Variants in TFE3 observed in about 807,000 individuals in gnomAD.
TFE3 encodes transcription factor binding to IGHM enhancer 3, also known as transcription factor E3.
TFE3 carries 5 observed loss-of-function variants against 35.0 expected under a neutral mutation model. That is an observed-to-expected ratio of 0.14 (90% CI 0.07 to 0.30). The LOEUF (loss-of-function observed/expected upper bound fraction) is 0.30. Ranked by LOEUF, TFE3 falls within the 10% of genes least tolerant of loss-of-function variation. TFE3 has a pLI of 1.00. For synonymous variants in TFE3, 211 were observed against 215.6 expected (o/e 0.98, Z 0.18); for missense variants, 374 against 496.6 (o/e 0.75, Z 2.35).
At chrX:49,030,628 G>C (rs1436667452) in intron 9 of TFE3, 27 bp from the exon 10 acceptor site, 1 of 1,148,706 alleles carries the variant, frequency 8.7e-7, no homozygotes, top group East Asian at 3.0e-5. Context: ...TTGGGTGCAG[G>C]ATAAGTAGGG....
chrX:49,039,134 A>G lies in TFE3; in HGVS notation c.507T>C (p.Pro169=). Residue 169 remains proline, a synonymous_variant, in exon 3 of 10, where the codon CCT becomes CCC. Coordinates refer to ENST00000315869, the MANE Select transcript of TFE3 (RefSeq NM_006521.6). The stretch of plus-strand genomic sequence containing the variant: ...TGAGCACCTCCCTGGGCACCTGAGC[A>G]GGGGGTGGACGGCTCAATGTGTGGC... ...AGGHTLSRPP[P]AQVPREVLKV... is the part of the protein sequence containing the mutation. 1 of 1,175,980 alleles carries G rather than the reference A, an allele frequency of 8.5e-7. No homozygotes were observed. The highest frequency in any genetic ancestry group is 1.1e-6 in the Non-Finnish European group (1 of 876,288).
chrX:49,038,033 T>C lies in TFE3; in HGVS notation c.862A>G (p.Thr288Ala), dbSNP rs2064739736. The C allele has an allele frequency of 3.3e-6, 4 of 1,203,629 alleles. No individual in the cohort carries two copies. The highest frequency in any genetic ancestry group is 3.6e-5 in the South Asian group (2 of 55,557). ...EMLSYLPGGT[T>A]GLQLPSTLPV... ...ACCGTGCTGGGGAGCTGCAGTCCTG[T>C]GGTGCCTCCGGGCAGATAGCTGAGC... is the stretch of plus-strand genomic sequence containing the variant. Residue 288 changes from threonine to alanine, a missense_variant, in exon 5 of 10, where the codon ACA (threonine) becomes GCA (alanine). Transcript: ENST00000315869.
rs782722360 is a variant in TFE3 at position 49,030,152 on chromosome X, GC to G, written c.*5del. The G allele has an allele frequency of 1.2e-5, 15 of 1,204,497 alleles. No homozygotes were observed. The highest frequency in any genetic ancestry group is 1.7e-5 in the Non-Finnish European group (15 of 891,685). ...GGGAAAGTCCCAGGGGAGGGGTGAG[GC>G]CTGATCAGGACTCCTCTTCCATGCT... On this transcript the variant is annotated 3_prime_UTR_variant, in exon 10 of 10. Transcript: ENST00000315869.
chrX:49,031,262 C>T (rs2064698216), intron 9 of TFE3, 135 bp downstream of exon 9: 1 of 616,287 alleles, frequency 1.6e-6, no homozygotes, highest in Non-Finnish European at 2.4e-6. Context: ...TTATCACTAT[C>T]ATCATCGTGT....
chrX:49,041,943 C>T (rs2064762402), intron 1 of TFE3, among the ~76,000 whole-genome samples: 1 of 111,374 alleles, frequency 9.0e-6, no homozygotes, highest in Non-Finnish European at 1.9e-5. Context: ...CCTAAAACCA[C>T]CCAGGAAGTT....
intron 5 of TFE3, chrX:49,037,743 C>T (rs1557074992): frequency 3.5e-6 from 1 of 284,329 alleles, no homozygotes; most frequent in Non-Finnish European, 6.1e-6. Context: ...GTACTTCTCA[C>T]AGCAAAGCCC....
intron 5 of TFE3, chrX:49,037,692 C>T (rs1171491428): frequency 1.6e-5 from 3 of 182,516 alleles, no homozygotes; most frequent in Non-Finnish European, 2.9e-5. Flanking sequence ...GAGCGAGACT[C>T]CGTCTCGAAA....
intron 1 of TFE3, 40 bp from the exon 2 acceptor site, chrX:49,040,608 G>A: frequency 1.0e-6 from 1 of 966,638 alleles, no homozygotes; most frequent in Non-Finnish European, 1.5e-6. Context: ...ATTGAATGAA[G>A]GACCTTATTC....
chrX:49,036,573 G>A (rs2064731687), intron 5 of TFE3, among the ~76,000 whole-genome samples: 2 of 110,443 alleles, frequency 1.8e-5, no homozygotes, highest in African/African-American at 6.6e-5. Context: ...GGGAGGCCGA[G>A]GCAGGCAGAT....
Position 49,030,491 on chromosome X carries a change from G to T in TFE3, c.1395C>A (p.Asp465Glu). The T allele has an allele frequency of 8.3e-7, 1 of 1,211,689 alleles. No individual in the cohort carries two copies. Among genetic ancestry groups the T allele is most frequent in the Non-Finnish European group, 1.1e-6 (1 of 895,445 alleles). ...CGCCTGGCCTGCCCTCCTCCTCAAT[G>T]TCCAGCTGCTCTGGCTTGAGGCTGT... ...ASDSLKPEQL[D>E]IEEEGRPGAA... is the part of the protein sequence containing the mutation. Residue 465 changes from aspartate (D) to glutamate (E), a missense_variant, in exon 10 of 10, where the codon GAC (aspartate) becomes GAA (glutamate). Asp to Glu is a conservative substitution (Grantham distance 45). Coordinates refer to ENST00000315869, the MANE Select transcript of TFE3 (RefSeq NM_006521.6).
At position 49,038,378 on chromosome X, in the gene TFE3, T is replaced by C. The variant is rs781873227; in HGVS notation, c.599A>G (p.Lys200Arg). The part of the protein sequence containing the change: ...HLQQARRQQV[K>R]QYLSTTLGPK... ...CCCGAGTGTGGTGGACAGGTACTGT[T>C]TCACCTGCTGCCGGCGCGCCTGCTG... The change falls in exon 4 of 10, where the codon AAA becomes AGA. Residue 200 changes from lysine to arginine, a missense_variant. Physicochemically the swap from Lys to Arg is conservative, Grantham distance 26. This residue lies in a region of TFE3 where 167 missense variants were observed against 297.2 expected (regional missense o/e 0.56). Transcript: ENST00000315869. 9 of 1,204,152 alleles carry C rather than the reference T, an allele frequency of 7.5e-6. No individual in the cohort carries two copies. The highest frequency in any genetic ancestry group is 1.0e-5 in the Non-Finnish European group (9 of 893,822).
At position 49,043,098 on chromosome X, in the gene TFE3, G is replaced by A. The variant is rs1557075964; in HGVS notation, c.116+13C>T. The A allele has an allele frequency of 8.7e-7, 1 of 1,153,406 alleles. No individual in the cohort carries two copies. The highest frequency in any genetic ancestry group is 2.6e-4 in the Middle Eastern group (1 of 3,872). On this transcript the variant is annotated intron_variant, in intron 1 of 9. Coordinates refer to ENST00000315869, the MANE Select transcript of TFE3 (RefSeq NM_006521.6). ...GCCCCAGTCGGCACTCCCAGCCCCA[G>A]GCGGCCCCGCACCTGAGCAGCTGAG...
At chrX:49,033,315 G>A (rs995382236) in intron 8 of TFE3, 150 bp downstream of exon 8, 47 of 500,134 alleles carry the variant, frequency 9.4e-5, no homozygotes, top group Non-Finnish European at 1.5e-4. Context: ...CATAGTGAGG[G>A]TCTGCAACCC....
chrX:49,033,487 G>C lies in TFE3; in HGVS notation c.1114C>G (p.Leu372Val). 8.3e-7 allele frequency: 1 copy of C among 1,211,759 alleles called. No homozygotes were observed. The highest frequency in any genetic ancestry group is 1.1e-6 in the Non-Finnish European group (1 of 895,460). ...CACGGGTCACTGGACTTAGGGATGA[G>C]AGTGCCCAGTTCCTTGATCCTGTCG... Reference protein sequence around the residue: ...INDRIKELGTLIPKSSDPEMR... With the variant: ...INDRIKELGTVIPKSSDPEMR... The change falls in exon 8 of 10, where the codon CTC becomes GTC. Residue 372 changes from leucine to valine, a missense_variant. By Grantham distance (32) the Leu-to-Val change is conservative. Transcript: ENST00000315869.
At chrX:49,042,877 G>A (rs2147779829) in intron 1 of TFE3, among the ~76,000 whole-genome samples, 1 of 111,578 alleles carries the variant, frequency 9.0e-6, no homozygotes, top group Non-Finnish European at 1.9e-5. Flanking sequence ...CGCAGTCAAG[G>A]GCTCCCCAAA....
At chrX:49,036,638 C>T (rs2064732031) in intron 5 of TFE3, among the ~76,000 whole-genome samples, 1 of 109,595 alleles carries the variant, frequency 9.1e-6, no homozygotes, top group South Asian at 3.9e-4. Context: ...CCCGTCTCTA[C>T]TAAAAATACA....
chrX:49,037,787 C>T (rs1444759013), intron 5 of TFE3: 1 of 370,438 alleles, frequency 2.7e-6, no homozygotes, highest in Non-Finnish European at 4.7e-6. Flanking sequence ...TCTCAGTGAA[C>T]TCCCCACCTG....
intron 8 of TFE3, 134 bp downstream of exon 8, chrX:49,033,331 A>G (rs1255353142): frequency 3.7e-5 from 21 of 562,397 alleles, no homozygotes; most frequent in Non-Finnish European, 5.6e-5. Context: ...AACCCTGCTC[A>G]GGCTGAGAAA....
intron 1 of TFE3, among the ~76,000 whole-genome samples, chrX:49,041,317 C>A (rs1209310797): frequency 1.8e-5 from 2 of 111,431 alleles, no homozygotes; most frequent in African/African-American, 6.5e-5. Flanking sequence ...TAGGGGCATC[C>A]CTCAGCATAA....
Sources: allele counts gnomAD v4.1 joint callset (sites outside exome capture counted in the v4.1 genomes callset), GRCh38; gene constraint gnomAD v4.1.1; regional missense constraint gnomAD v4.1.1; transcripts MANE v1.5; gene names NCBI Gene and HGNC (gene_info 2026-07-23, HGNC 2026-07-21).